FABP6: variants seen among roughly 807,000 people sequenced by gnomAD.
FABP6 encodes fatty acid binding protein 6.
A neutral mutation model predicts 14.9 loss-of-function variants in FABP6; 13 were observed. That is an observed-to-expected ratio of 0.87 (90% confidence interval 0.57 to 1.39). FABP6 has a LOEUF of 1.39. Among genes scored for constraint, FABP6 ranks in the 40% most tolerant of loss-of-function variants. FABP6 has a pLI of 0.00. For synonymous variants in FABP6, 75 were observed against 63.6 expected (o/e 1.18, Z -0.85); for missense variants, 161 against 167.2 (o/e 0.96, Z 0.20).
chr5:160,222,112 T>TTTTTTTG (rs1760141730), intron 3 of FABP6, among the ~76,000 whole-genome samples: 1 of 148,404 alleles, frequency 6.7e-6, no homozygotes, highest in Non-Finnish European at 1.5e-5. Context: ...TTTTTTTTTT[T>TTTTTTTG]AGACAGGGTC....
chr5:160,195,863 C>A (rs79599670), intron 1 of FABP6: 4,080 of 152,352 alleles, frequency 0.027, 171 homozygotes, highest in African/African-American at 0.092. Context: ...GCATGGTTTC[C>A]GTGTGCTGTC....
At chr5:160,214,780 C>T (rs1480525465) in intron 3 of FABP6, among the ~76,000 whole-genome samples, 10 of 148,160 alleles carry the variant, frequency 6.7e-5, no homozygotes, top group Non-Finnish European at 6.0e-5. Flanking sequence ...ATAGGGAGAC[C>T]CTGTCTCTAT....
At chr5:160,188,577 C>CG (rs957941138) in intron 1 of FABP6, among the ~76,000 whole-genome samples, 1 of 152,188 alleles carries the variant, frequency 6.6e-6, no homozygotes, top group Non-Finnish European at 1.5e-5. Context: ...ACCGACCCTC[C>CG]GGGGACCCCG....
chr5:160,222,215 C>T (rs1160067101), intron 3 of FABP6, among the ~76,000 whole-genome samples: 1 of 151,678 alleles, frequency 6.6e-6, no homozygotes, highest in Non-Finnish European at 1.5e-5. Flanking sequence ...GCCTCTGCCT[C>T]CAAAGTAGCT....
chr5:160,205,509 C>G (rs1322583387), intron 2 of FABP6, among the ~76,000 whole-genome samples: 1 of 152,152 alleles, frequency 6.6e-6, no homozygotes, highest in Admixed American at 6.6e-5. Context: ...CTCCTAGCAA[C>G]CTTGTTTTCT....
intron 1 of FABP6, among the ~76,000 whole-genome samples, chr5:160,231,525 C>G (rs1760382400): frequency 6.6e-6 from 1 of 152,146 alleles, no homozygotes; most frequent in Non-Finnish European, 1.5e-5. Flanking sequence ...TCTCAAGTAG[C>G]CAGTATTACA....
At chr5:160,223,544 C>G (rs918903399) in intron 3 of FABP6, among the ~76,000 whole-genome samples, 2 of 151,792 alleles carry the variant, frequency 1.3e-5, no homozygotes, top group African/African-American at 4.8e-5. Context: ...GTCTCAGCCT[C>G]TCAAGTAGCT....
intron 1 of FABP6, among the ~76,000 whole-genome samples, chr5:160,193,749 T>C (rs1413258618): frequency 6.6e-6 from 1 of 151,870 alleles, no homozygotes; most frequent in African/African-American, 2.4e-5. Flanking sequence ...AGATAGAGAG[T>C]GCCGATTGGT....
At chr5:160,216,270 A>AT (rs59582403) in intron 3 of FABP6, among the ~76,000 whole-genome samples, 36,502 of 144,326 alleles carry the variant, frequency 0.25, 4,965 homozygotes, top group East Asian at 0.45. Flanking sequence ...TCTCATTGTA[A>AT]TTTTTTTTTT....
intron 2 of FABP6, among the ~76,000 whole-genome samples, chr5:160,207,527 C>T (rs1266377698): frequency 6.6e-6 from 1 of 152,100 alleles, no homozygotes; most frequent in Non-Finnish European, 1.5e-5. Context: ...CAGTGTAAAT[C>T]ATCTTTCAAA....
At chr5:160,194,028 C>T (rs1042062310) in intron 1 of FABP6, among the ~76,000 whole-genome samples, 2 of 152,242 alleles carry the variant, frequency 1.3e-5, no homozygotes, top group Admixed American at 6.5e-5. Flanking sequence ...CTGCAGGTCC[C>T]GAGCCCTGCC....
At position 160,232,005 on chromosome 5, in the gene FABP6, T is replaced by A. The variant is rs1369518924; in HGVS notation, c.68-93T>A. The A allele has an allele frequency of 7.1e-6, 10 of 1,416,044 alleles. No homozygotes were observed. In the East Asian group the frequency reaches 1.2e-4, roughly 17 times the overall value. The allele number at this position is 1,416,044 out of a possible 1,614,324, so 87.7% of individuals were successfully genotyped here. On this transcript the variant is annotated intron_variant, in intron 1 of 3. Coordinates refer to ENST00000402432, the MANE Select transcript of FABP6 (RefSeq NM_001445.3). ...GGCTAGCCTATCATGCACAAGGGGG[T>A]AGGGCGGTGGGGGTGGGCAGGAAAG...
At chr5:160,208,666 G>T (rs929217262) in intron 2 of FABP6, among the ~76,000 whole-genome samples, 7 of 152,206 alleles carry the variant, frequency 4.6e-5, no homozygotes, top group Non-Finnish European at 7.3e-5. Context: ...TGTGGCTTAT[G>T]CCTATAATCT....
intron 1 of FABP6, among the ~76,000 whole-genome samples, chr5:160,192,037 C>T (rs1333182955): frequency 6.6e-6 from 1 of 152,046 alleles, no homozygotes; most frequent in African/African-American, 2.4e-5. Flanking sequence ...GCCTTGACCT[C>T]TTAAAGTGCT....
rs547776645 is a variant in FABP6 at position 160,207,809 on chromosome 5, C to A, written c.52-5927C>A. Among the ~76,000 whole-genome samples, 93 of 151,504 alleles carry A rather than the reference C, an allele frequency of 6.1e-4. 1 individual carries two copies. Among genetic ancestry groups the A allele is most frequent in the Non-Finnish European group, 1.3e-3 (86 of 67,932 alleles). ...CATGATCTCGGCTCACTGCAACCTC[C>A]GCCTCCCGGGTTCAAGCGCTTCTCC... On this transcript the variant is annotated intron_variant, in intron 2 of 6. Transcript: ENST00000393980.
intron 2 of FABP6, among the ~76,000 whole-genome samples, chr5:160,199,591 C>T (rs999243338): frequency 2.0e-5 from 3 of 152,194 alleles, no homozygotes; most frequent in Non-Finnish European, 4.4e-5. Flanking sequence ...CTGTCTCCTA[C>T]TGAGGCCTCG....
chr5:160,191,259 A>T (rs1163032877), intron 1 of FABP6, among the ~76,000 whole-genome samples: 1 of 152,040 alleles, frequency 6.6e-6, no homozygotes, highest in Non-Finnish European at 1.5e-5. Context: ...TGAGGTCAGG[A>T]GTTCGAGACC....
intron 2 of FABP6, among the ~76,000 whole-genome samples, chr5:160,201,314 C>T (rs1435594560): frequency 4.0e-5 from 6 of 151,166 alleles, no homozygotes; most frequent in Admixed American, 1.3e-4. Flanking sequence ...GTCAAGATCG[C>T]GACACTGCAC....
intron 2 of FABP6, among the ~76,000 whole-genome samples, chr5:160,206,385 G>GCCACT (rs1370640696): frequency 2.6e-5 from 4 of 152,032 alleles, no homozygotes; most frequent in Admixed American, 2.6e-4. Context: ...CTGAGATCAT[G>GCCACT]CCACTCCACT....
Sources: gnomAD v4.1 joint callset for allele counts (sites outside exome capture counted in the v4.1 genomes callset) on GRCh38, gnomAD v4.1.1 for gene constraint, MANE v1.5 for transcripts, NCBI Gene and HGNC (gene_info 2026-07-23, HGNC 2026-07-21) for gene names.